The following TYW1B variants were observed in gnomAD, a reference collection of about 807,000 sequenced individuals.
TYW1B encodes S-adenosyl-L-methionine-dependent tRNA 4-demethylwyosine synthase TYW1B.
A neutral mutation model predicts 86.9 loss-of-function variants in TYW1B; 73 were observed. The observed-to-expected ratio is 0.84, with a 90% CI of 0.70 to 1.02. The LOEUF (loss-of-function observed/expected upper bound fraction) is 1.02. TYW1B is among the 50% of genes least tolerant of loss of function. The probability of loss-of-function intolerance (pLI) is 0.00; values close to 1 mark genes in which losing one functional copy is unlikely to be tolerated. For missense variants in TYW1B, 637 were observed against 827.4 expected (o/e 0.77, Z 2.82); for synonymous variants, 248 against 292.8 (o/e 0.85, Z 1.56).
At chr7:72,766,551 T>A (rs1279538614) in intron 7 of TYW1B, among the ~76,000 whole-genome samples, 1 of 145,170 alleles carries the variant, frequency 6.9e-6, no homozygotes, top group African/African-American at 2.6e-5. Context: ...AAGGCAGAGG[T>A]TGCCGTGAGC....
chr7:72,651,320 A>G (rs1221287723), intron 11 of TYW1B, among the ~76,000 whole-genome samples: 2 of 152,166 alleles, frequency 1.3e-5, no homozygotes, highest in Non-Finnish European at 2.9e-5. Flanking sequence ...ATCATACCTT[A>G]AAAAAGAAAT....
At chr7:72,664,659 A>C (rs1554444970) in intron 11 of TYW1B, among the ~76,000 whole-genome samples, 2 of 152,190 alleles carry the variant, frequency 1.3e-5, no homozygotes, top group Non-Finnish European at 2.9e-5. Context: ...TAGCAGGCTT[A>C]ATACCTGGAT....
chr7:72,607,103 A>G (rs1187500832), intron 13 of TYW1B, among the ~76,000 whole-genome samples: 9 of 152,316 alleles, frequency 5.9e-5, no homozygotes, highest in Middle Eastern at 3.4e-3. Context: ...AAACGGACAC[A>G]ATAAATAGAA....
intron 10 of TYW1B, among the ~76,000 whole-genome samples, chr7:72,710,490 C>T (rs1237126181): frequency 6.6e-6 from 1 of 152,080 alleles, no homozygotes; most frequent in Non-Finnish European, 1.5e-5. Context: ...ATATTATTGC[C>T]TGGTAGCTAA....
chr7:72,757,865 T>C (rs1174394843), intron 7 of TYW1B, among the ~76,000 whole-genome samples: 6 of 152,234 alleles, frequency 3.9e-5, no homozygotes, highest in African/African-American at 1.2e-4. Context: ...TCACCCTTGT[T>C]ATTGATCTTT....
chr7:72,596,127 G>A (rs1229040496), intron 13 of TYW1B, among the ~76,000 whole-genome samples: 1 of 118,256 alleles, frequency 8.5e-6, no homozygotes, highest in East Asian at 2.9e-4. Flanking sequence ...AGTGAGCCAA[G>A]ATCACATCAT....
chr7:72,628,877 A>G lies in TYW1B; in HGVS notation c.1617+10T>C, dbSNP rs1554439328. The G allele has an allele frequency of 6.3e-7, 1 of 1,577,556 alleles. No individual in the cohort carries two copies. The highest frequency in any genetic ancestry group is 8.6e-7 in the Non-Finnish European group (1 of 1,162,766). On this transcript the variant is annotated intron_variant, in intron 12 of 13. Coordinates refer to ENST00000620995, the MANE Select transcript of TYW1B (RefSeq NM_001145440.3). ...CTCCACCACGGCCACCAGAGTCAGC[A>G]GGGGCTTACCTTCACTTCGATGAAG...
At chr7:72,787,462 C>CAAA (rs11314409) in intron 6 of TYW1B, among the ~76,000 whole-genome samples, 1 of 146,208 alleles carries the variant, frequency 6.8e-6, no homozygotes, top group African/African-American at 2.5e-5. Context: ...GACTCCATCT[C>CAAA]AAAAAAAAAA....
chr7:72,583,715 G>A (rs1359324566), intron 13 of TYW1B, among the ~76,000 whole-genome samples: 1 of 152,228 alleles, frequency 6.6e-6, no homozygotes, highest in East Asian at 1.9e-4. Flanking sequence ...AGGACTGGCA[G>A]GCAAACAGTA....
At chr7:72,827,943 G>A in intron 1 of TYW1B, 129 bp downstream of exon 1, 2 of 1,529,248 alleles carry the variant, frequency 1.3e-6, no homozygotes, top group East Asian at 4.8e-5. Context: ...GCGGCGGCTA[G>A]CCGGTGCTGT....
intron 9 of TYW1B, among the ~76,000 whole-genome samples, chr7:72,724,374 G>A (rs1333410928): frequency 5.3e-5 from 8 of 152,192 alleles, no homozygotes; most frequent in East Asian, 1.9e-4. Flanking sequence ...TTGGAAGGCT[G>A]AGGTGGGAGG....
intron 7 of TYW1B, among the ~76,000 whole-genome samples, chr7:72,758,450 AC>A (rs201052573): frequency 2.0e-5 from 3 of 151,372 alleles, no homozygotes; most frequent in East Asian, 2.0e-4. Flanking sequence ...CTTAGAAAAA[AC>A]ATTTTTTTCT....
At chr7:72,593,539 G>A (rs1270750511) in intron 13 of TYW1B, among the ~76,000 whole-genome samples, 5 of 151,806 alleles carry the variant, frequency 3.3e-5, no homozygotes, top group Non-Finnish European at 5.9e-5. Flanking sequence ...ATCAATAAAC[G>A]AGGCCAGGCG....
In TYW1B at chr7:72,574,978, T is replaced by C. The variant is rs1453614328; in HGVS notation, c.*520A>G. ...CAGTATTTAAAAAATAATTGAGAGTTGTGACAACTTCGATTCTTTTCAGGA... is the reference window on the plus strand; with the variant it reads ...CAGTATTTAAAAAATAATTGAGAGTCGTGACAACTTCGATTCTTTTCAGGA... On this transcript the variant is annotated 3_prime_UTR_variant, in exon 14 of 14. Transcript: ENST00000620995. 1.0e-6 allele frequency: 1 copy of C among 988,050 alleles called. No homozygotes were observed. The highest frequency in any genetic ancestry group is 1.1e-4 in the East Asian group (1 of 8,872). The allele number at this position is 988,050 out of a possible 1,614,324, so 61.2% of individuals were successfully genotyped here. A position where few individuals can be genotyped will look rare whatever the true frequency, so the allele number is the denominator to read the frequency against.
intron 2 of TYW1B, among the ~76,000 whole-genome samples, chr7:72,823,534 C>T (rs1367783869): frequency 5.9e-5 from 9 of 151,758 alleles, no homozygotes; most frequent in African/African-American, 2.2e-4. Flanking sequence ...GCAGAAGAAT[C>T]GCTTGAACCC....
chr7:72,691,806 G>A (rs142813993), intron 11 of TYW1B, among the ~76,000 whole-genome samples: 494 of 152,132 alleles, frequency 3.2e-3, no homozygotes, highest in East Asian at 0.024. Context: ...TTAACTTCCC[G>A]GGCATAAAAC....
At chr7:72,701,064 A>G (rs2960964) in intron 10 of TYW1B, among the ~76,000 whole-genome samples, 118,261 of 149,440 alleles carry the variant, frequency 0.79, 47,231 homozygotes, top group Middle Eastern at 0.87. Context: ...ATTCCATCTC[A>G]GAAAAAAAAA....
chr7:72,622,996 C>T (rs1373429018), intron 12 of TYW1B, among the ~76,000 whole-genome samples: 1 of 152,106 alleles, frequency 6.6e-6, no homozygotes, highest in Non-Finnish European at 1.5e-5. Context: ...TTTCCTTTGA[C>T]TCACAAAAGA....
chr7:72,625,149 T>C (rs1253476200), intron 12 of TYW1B, among the ~76,000 whole-genome samples: 7 of 152,328 alleles, frequency 4.6e-5, no homozygotes, highest in Middle Eastern at 3.4e-3. Context: ...TTTACTTTTA[T>C]AGATTTTTGC....
Sources: allele counts gnomAD v4.1 joint callset (sites outside exome capture counted in the v4.1 genomes callset), GRCh38; gene constraint gnomAD v4.1.1; transcripts MANE v1.5; gene names NCBI Gene and HGNC (gene_info 2026-07-23, HGNC 2026-07-21).